The following ATP2A3 variants were observed in gnomAD, a reference collection of about 807,000 sequenced individuals.
The protein encoded by ATP2A3 is ATPase sarcoplasmic/endoplasmic reticulum Ca2+ transporting 3.
In ATP2A3, 61 loss-of-function variants were observed where a neutral mutation model predicts 106.8. That is an observed-to-expected ratio of 0.57 (90% CI 0.46 to 0.71). The LOEUF (loss-of-function observed/expected upper bound fraction) is 0.71, where lower values mean the gene tolerates loss of function less well. ATP2A3 is among the 30% of genes least tolerant of loss of function. ATP2A3 has a pLI of 0.00. For synonymous variants in ATP2A3, 611 were observed against 609.3 expected (o/e 1.00, Z -0.04); for missense variants, 1,201 against 1,423.5 (o/e 0.84, Z 2.52).
rs959354965 is a variant in ATP2A3, at chr17:3,942,749, G to A, written c.1420-18C>T. On this transcript the variant is annotated intron_variant, in intron 11 of 20. Transcript: ENST00000397041. The stretch of plus-strand genomic sequence containing the variant: ...TTGATGACCTGCGGGGTCCAGGCAG[G>A]TCAGGGCATGAAGGACAGAGCCAGC... The A allele has an allele frequency of 1.9e-6, 3 of 1,611,112 alleles. No individual in the cohort carries two copies. The highest frequency in any genetic ancestry group is 3.3e-5 in the Admixed American group (2 of 59,982).
chr17:3,951,635 C>T lies in ATP2A3; in HGVS notation c.270G>A (p.Glu90=), dbSNP rs778490297. 6.5e-7 allele frequency: 1 copy of T among 1,536,010 alleles called. No individual in the cohort carries two copies. The change falls in exon 4 of 21, where the codon GAG becomes GAA. Residue 90 remains glutamate, a synonymous_variant. Transcript: ENST00000397041. ...EGEETTTAFV[E]PLVIMLILVA... is the part of the protein sequence containing the mutation. ...CGAGGATCAGCATGATGACCAGGGG[C>T]TCCACGAAGGCGGTCGTGGTCTCCT...
intron 1 of ATP2A3, among the ~76,000 whole-genome samples, chr17:3,956,858 G>A (rs941432269): frequency 2.6e-5 from 4 of 152,228 alleles, no homozygotes; most frequent in African/African-American, 9.6e-5. Flanking sequence ...CCGCCCACCT[G>A]GGGAGGCCTG....
rs760602251 is a variant in ATP2A3, at chr17:3,943,487, C to T, written c.1323G>A (p.Thr441=). ...CCACCAGGCAAGTCAGAGCTGTCTC[C>T]GTGGCCTCTCCCACCTTCTCATACA... ...KGVYEKVGEA[T]ETALTCLVEK... is the part of the protein sequence containing the mutation. The change falls in exon 11 of 21, where the codon ACG becomes ACA. Residue 441 remains threonine, a synonymous_variant. Transcript: ENST00000397041. 6.2e-6 allele frequency: 10 copies of T among 1,614,006 alleles called. No individual in the cohort carries two copies. Among genetic ancestry groups the T allele is most frequent in the African/African-American group, 4.0e-5 (3 of 74,910 alleles).
chr17:3,931,382 G>A lies in ATP2A3; in HGVS notation c.2611-948C>T, dbSNP rs147072976. 2.4e-4 allele frequency among the ~76,000 whole-genome samples: 37 copies of A among 152,252 alleles called. No homozygotes were observed. In the East Asian group the frequency reaches 6.0e-3, roughly 25 times the overall value. ...ACAGAATCGTGCTAAGAGGCTGAAC[G>A]GAGGGTATTGGGGGAACTTGTCTTG... is the stretch of plus-strand genomic sequence containing the variant. On this transcript the variant is annotated intron_variant, in intron 17 of 20. Coordinates refer to ENST00000397041, the MANE Select transcript of ATP2A3 (RefSeq NM_005173.4).
At chr17:3,960,733 C>T (rs969616598) in intron 1 of ATP2A3, among the ~76,000 whole-genome samples, 10 of 152,232 alleles carry the variant, frequency 6.6e-5, no homozygotes, top group African/African-American at 2.4e-4. Context: ...TGATCCCACC[C>T]TGTGCTGGCG....
chr17:3,931,756 C>T (rs575192357), intron 17 of ATP2A3, among the ~76,000 whole-genome samples: 6 of 152,108 alleles, frequency 3.9e-5, no homozygotes, highest in Admixed American at 1.3e-4. Context: ...CTCCTGACCT[C>T]GTGATCCGCC....
chr17:3,951,558 G>GCGCCC, intron 4 of ATP2A3, 23 bp downstream of exon 4: 1 of 716,232 alleles, frequency 1.4e-6, no homozygotes, highest in Non-Finnish European at 2.1e-6. Context: ...CCCCCGCCCG[G>GCGCCC]TCCCACCCCC....
Position 3,937,521 on chromosome 17 carries a change from T to C in ATP2A3, c.2216A>G (p.Asn739Ser). 1 of 1,614,060 alleles carries C rather than the reference T, an allele frequency of 6.2e-7. No individual in the cohort carries two copies. Among genetic ancestry groups the C allele is most frequent in the Non-Finnish European group, 8.5e-7 (1 of 1,179,990 alleles). Residue 739 changes from asparagine to serine, a missense_variant, in exon 15 of 21, where the codon AAC (asparagine) becomes AGC (serine). By Grantham distance (46) the Asn-to-Ser change is conservative. Around this residue, in one of 2 missense-constraint regions of ATP2A3, gnomAD observed 935 missense variants for 1,176.7 expected, o/e 0.79. Coordinates refer to ENST00000397041, the MANE Select transcript of ATP2A3 (RefSeq NM_005173.4). ...SAAEMVLSDD[N>S]FASIVAAVEE... Reference sequence around the variant, plus strand: ...CACCGCAGCCACGATGGAGGCAAAGTTGTCATCTGACAGCACCATCTCTGC... The same window carrying C: ...CACCGCAGCCACGATGGAGGCAAAGCTGTCATCTGACAGCACCATCTCTGC...
chr17:3,963,784 C>A (rs1264926351), intron 1 of ATP2A3, among the ~76,000 whole-genome samples: 1 of 152,222 alleles, frequency 6.6e-6, no homozygotes, highest in Admixed American at 6.5e-5. Context: ...AGTCTCCGGC[C>A]GTCCCTCGCC....
At position 3,950,774 on chromosome 17, in the gene ATP2A3, CTG is replaced by C; in HGVS notation, c.464-3_464-2del. On this transcript the variant is annotated splice_acceptor_variant and splice_polypyrimidine_tract_variant and intron_variant, in intron 5 of 20. Coordinates refer to ENST00000397041, the MANE Select transcript of ATP2A3 (RefSeq NM_005173.4). LOFTEE classifies it high-confidence loss of function. ...AGGTCAGCAGGCACTTTGTCCCCCA[CTG>C]TGCGGGGAGAATGGCTTGGCTGAGG... is the stretch of plus-strand genomic sequence containing the variant. 6.2e-7 allele frequency: 1 copy of C among 1,612,926 alleles called. No individual in the cohort carries two copies.
intron 1 of ATP2A3, among the ~76,000 whole-genome samples, chr17:3,954,054 C>T (rs2054611067): frequency 6.6e-6 from 1 of 152,048 alleles, no homozygotes; most frequent in Admixed American, 6.6e-5. Context: ...ACAGACACTT[C>T]CCCCACCCAG....
chr17:3,959,185 C>T (rs1360992765), intron 1 of ATP2A3, among the ~76,000 whole-genome samples: 1 of 152,076 alleles, frequency 6.6e-6, no homozygotes, highest in African/African-American at 2.4e-5. Flanking sequence ...AGGTGCTAGC[C>T]ACCGCGCCCG....
rs1011312295 is a variant in ATP2A3, at chr17:3,955,702, G to T, written c.119-1992C>A. ...GGTGGGCTTGTGCTGGGCTCTTCCC[G>T]GGGGATGCCTGTAACCCTCACCTTT... On this transcript the variant is annotated intron_variant, in intron 1 of 20. Coordinates refer to ENST00000397041, the MANE Select transcript of ATP2A3 (RefSeq NM_005173.4). This position sits in a 1 kb window ranked among gnomAD's most constrained non-coding sequence, Gnocchi z 4.2. Among the ~76,000 whole-genome samples the T allele has an allele frequency of 6.6e-6, 1 of 152,022 alleles. No homozygotes were observed. Among genetic ancestry groups the T allele is most frequent in the East Asian group, 1.9e-4 (1 of 5,164 alleles).
rs983280691 is a variant in ATP2A3 at position 3,964,298 on chromosome 17, C to T, written c.-7G>A. The T allele has an allele frequency of 8.0e-7, 1 of 1,250,662 alleles. No individual in the cohort carries two copies. Among genetic ancestry groups the T allele is most frequent in the East Asian group, 4.5e-5 (1 of 22,082 alleles). The allele number at this position is 1,250,662 out of a possible 1,614,324, so 77.5% of individuals were successfully genotyped here. ...GCAGATGCGCCGCCTCCATGCCGCC[C>T]GCCCGGCCGTCTGCGCCGTCCGCAC... On this transcript the variant is annotated 5_prime_UTR_variant, in exon 1 of 21. Transcript: ENST00000397041.
rs1229795795 is a variant in ATP2A3, at chr17:3,941,221, G to A, written c.1850C>T (p.Ala617Val). The change falls in exon 14 of 21, where the codon GCG becomes GTG. Residue 617 changes from alanine (A) to valine (V), a missense_variant. Ala to Val is a moderately conservative substitution (Grantham distance 64). Transcript: ENST00000397041. Reference protein sequence around the residue: ...VAACITRCYQAGIRVVMITGD... With the variant: ...VAACITRCYQVGIRVVMITGD... ...CGTGATCATGACCACGCGGATGCCC[G>A]CCTGGTAGCAGCGTGTGATGCAGGC... 3 of 1,613,968 alleles carry A rather than the reference G, an allele frequency of 1.9e-6. No individual in the cohort carries two copies. Among genetic ancestry groups the A allele is most frequent in the South Asian group, 1.1e-5 (1 of 91,090 alleles).
chr17:3,947,835 G>C lies in ATP2A3; in HGVS notation c.651C>G (p.Gly217=). The change falls in exon 8 of 21, where the codon GGC becomes GGG. Residue 217 remains glycine, a synonymous_variant. Coordinates refer to ENST00000397041, the MANE Select transcript of ATP2A3 (RefSeq NM_005173.4). The surrounding 1 kb of genome is among the most constrained non-coding windows in gnomAD (Gnocchi z 7.7). ...MLFSGTNITS[G]KAVGVAVATG... is the part of the protein sequence containing the mutation. ...TGGCCACGGCCACACCCACCGCTTT[G>C]CCCGATGTGATATTGGTGCCCTGGC... is the stretch of plus-strand genomic sequence containing the variant. 1.9e-6 allele frequency: 3 copies of C among 1,598,858 alleles called. No homozygotes were observed. The highest frequency in any genetic ancestry group is 1.3e-5 in the African/African-American group (1 of 75,068).
chr17:3,925,290 GGCCT>G lies in ATP2A3; in HGVS notation c.*128_*131del. 6.6e-7 allele frequency: 1 copy of G among 1,509,802 alleles called. No individual in the cohort carries two copies. The highest frequency in any genetic ancestry group is 9.1e-7 in the Non-Finnish European group (1 of 1,098,946). 93.5% of individuals were successfully genotyped at this position (1,509,802 alleles called of 1,614,324 possible). Reference sequence around the variant, plus strand: ...CCCGGGGATGGCCATTCTGACCTCGGGCCTGTCATTTATCCGGCGGGACCCGGTG... The same window carrying G: ...CCCGGGGATGGCCATTCTGACCTCGGGTCATTTATCCGGCGGGACCCGGTG... On this transcript the variant is annotated 3_prime_UTR_variant, in exon 21 of 21. Coordinates refer to ENST00000397041, the MANE Select transcript of ATP2A3 (RefSeq NM_005173.4). This position sits in a 1 kb window ranked among gnomAD's most constrained non-coding sequence, Gnocchi z 4.2.
intron 1 of ATP2A3, among the ~76,000 whole-genome samples, chr17:3,958,431 T>C (rs1278724109): frequency 1.3e-5 from 2 of 152,104 alleles, no homozygotes; most frequent in Non-Finnish European, 2.9e-5. Context: ...CTCTGTCCTG[T>C]TCACAGAGCT....
intron 12 of ATP2A3, among the ~76,000 whole-genome samples, 175 bp from the exon 13 acceptor site, chr17:3,941,829 TC>T (rs1279540806): frequency 1.3e-5 from 2 of 151,994 alleles, no homozygotes; most frequent in Non-Finnish European, 2.9e-5. Flanking sequence ...ACCAAGTGGG[TC>T]CCCCTGTGAG....
Sources: allele counts gnomAD v4.1 joint callset (sites outside exome capture counted in the v4.1 genomes callset), GRCh38; gene constraint gnomAD v4.1.1; regional missense constraint gnomAD v4.1.1; non-coding constraint Gnocchi (gnomAD v3.1); transcripts MANE v1.5; gene names NCBI Gene and HGNC (gene_info 2026-07-23, HGNC 2026-07-21).